SSBP3: variants seen among roughly 807,000 people sequenced by gnomAD.
SSBP3 encodes single-stranded DNA-binding protein 3.
SSBP3 carries 5 observed loss-of-function variants against 69.6 expected under a neutral mutation model. The observed-to-expected ratio is 0.07, with a 90% confidence interval of 0.04 to 0.15. The LOEUF (loss-of-function observed/expected upper bound fraction) is 0.15, where lower values mean the gene tolerates loss of function less well. SSBP3 is among the 10% of genes least tolerant of loss of function. SSBP3 has a pLI of 1.00. For missense variants in SSBP3, 312 were observed against 534.0 expected, an observed-to-expected ratio of 0.58 and a Z score of 4.10; for synonymous variants, 196 against 193.4, an observed-to-expected ratio of 1.01 and a Z score of -0.11.
intron 2 of SSBP3, 54 bp from the exon 3 acceptor site, chr1:54,404,691 G>C (rs1649567246): frequency 1.2e-6 from 2 of 1,604,936 alleles, no homozygotes; most frequent in Admixed American, 3.3e-5. Context: ...GGTGGGCTGG[G>C]GGCTTCCCAG....
At chr1:54,405,921 G>A (rs774855705) in intron 1 of SSBP3, 32 bp downstream of exon 1, 2 of 1,179,098 alleles carry the variant, frequency 1.7e-6, no homozygotes, top group Non-Finnish European at 2.2e-6. Context: ...GCCCGGCGGC[G>A]GCGCGGCCGC....
At chr1:54,269,146 T>C (rs962260404) in intron 5 of SSBP3, among the ~76,000 whole-genome samples, 1 of 152,302 alleles carries the variant, frequency 6.6e-6, no homozygotes, top group Non-Finnish European at 1.5e-5. Context: ...ACAGCCTTCC[T>C]TATTAGCCCA....
chr1:54,238,444 A>T (rs1364000438), intron 14 of SSBP3: 1 of 397,228 alleles, frequency 2.5e-6, no homozygotes, highest in Admixed American at 3.1e-5. Context: ...CTAGAATGGA[A>T]GGGTTGCCTG....
chr1:54,389,694 C>CA (rs113181025), intron 4 of SSBP3, among the ~76,000 whole-genome samples: 26 of 148,984 alleles, frequency 1.7e-4, no homozygotes, highest in African/African-American at 2.7e-4. Flanking sequence ...CTGTCTCTAC[C>CA]AAAAAAAAAT....
At chr1:54,233,900 A>G (rs2100584856) in intron 14 of SSBP3, among the ~76,000 whole-genome samples, 1 of 152,368 alleles carries the variant, frequency 6.6e-6, no homozygotes, top group South Asian at 2.1e-4. Flanking sequence ...GGCTTTGTGG[A>G]ATAGAAAGGC....
rs908674751 is a variant in SSBP3 at position 54,306,636 on chromosome 1, C to CTG, written c.277-25111_277-25110dup. ...TAATACTAAACATTTTTTGGTATTTCTGTGTGCTGAGCGCTTCGTGTGATT... is the reference window on the plus strand; with the variant it reads ...TAATACTAAACATTTTTTGGTATTTCTGTGTGTGCTGAGCGCTTCGTGTGATT... On this transcript the variant is annotated intron_variant, in intron 4 of 17. Coordinates refer to ENST00000610401, the Ensembl canonical transcript of SSBP3. Among the ~76,000 whole-genome samples the CTG allele has an allele frequency of 3.6e-4, 55 of 152,246 alleles. 1 individual carries two copies. The highest frequency in any genetic ancestry group is 1.3e-3 in the African/African-American group (53 of 41,550).
At chr1:54,257,397 T>A in intron 6 of SSBP3, 2 of 510,906 alleles carry the variant, frequency 3.9e-6, no homozygotes, top group Non-Finnish European at 6.8e-6. Flanking sequence ...GACTCCACAT[T>A]TGTTCGTGGA....
intron 4 of SSBP3, among the ~76,000 whole-genome samples, chr1:54,311,935 G>T (rs1646010877): frequency 6.6e-6 from 1 of 152,284 alleles, no homozygotes; most frequent in East Asian, 1.9e-4. Context: ...CAGCTGGGGA[G>T]ACTCTCAGAT....
chr1:54,289,922 C>T (rs530275009), intron 4 of SSBP3, among the ~76,000 whole-genome samples: 8 of 152,240 alleles, frequency 5.3e-5, no homozygotes, highest in Admixed American at 1.3e-4. Flanking sequence ...TGTCCCCAGG[C>T]GGTCCCTTGT....
intron 14 of SSBP3, chr1:54,238,306 C>T (rs1028368584): frequency 2.1e-6 from 1 of 470,972 alleles, no homozygotes; most frequent in Non-Finnish European, 4.4e-6. Context: ...CAAAGCCTCG[C>T]ACTTTAGGGC....
chr1:54,300,515 A>G (rs1256871933), intron 4 of SSBP3, among the ~76,000 whole-genome samples: 1 of 152,226 alleles, frequency 6.6e-6, no homozygotes, highest in East Asian at 1.9e-4. Context: ...CAAATGGCCA[A>G]TGACAAACCA....
chr1:54,244,279 T>C (rs556910275), intron 9 of SSBP3, among the ~76,000 whole-genome samples: 9 of 152,002 alleles, frequency 5.9e-5, no homozygotes, highest in Admixed American at 5.9e-4. Context: ...GATATTTGTA[T>C]TTTTAGTAGA....
At chr1:54,254,545 T>C (rs747997153) in intron 7 of SSBP3, among the ~76,000 whole-genome samples, 1 of 152,244 alleles carries the variant, frequency 6.6e-6, no homozygotes, top group Non-Finnish European at 1.5e-5. Context: ...CCTTTGCTTC[T>C]TGTTTCCCTA....
intron 5 of SSBP3, among the ~76,000 whole-genome samples, chr1:54,268,760 G>A (rs890460894): frequency 1.3e-5 from 2 of 152,190 alleles, no homozygotes; most frequent in Non-Finnish European, 1.5e-5. Flanking sequence ...ACAGGATGGA[G>A]CAGGGGAAGA....
intron 10 of SSBP3, 197 bp downstream of exon 10, chr1:54,243,038 G>A (rs553013330): frequency 5.0e-5 from 31 of 614,626 alleles, no homozygotes; most frequent in African/African-American, 1.5e-4. Context: ...TGCCTGAACC[G>A]TGCCCGGCAC....
chr1:54,379,674 CA>C (rs1234476913), intron 4 of SSBP3, among the ~76,000 whole-genome samples: 2 of 152,154 alleles, frequency 1.3e-5, no homozygotes, highest in Admixed American at 1.3e-4. Flanking sequence ...TCGGCAGGGA[CA>C]GTAGGAGAAA....
intron 5 of SSBP3, among the ~76,000 whole-genome samples, chr1:54,281,225 C>T (rs1557491311): frequency 6.6e-6 from 1 of 152,318 alleles, no homozygotes; most frequent in East Asian, 1.9e-4. Flanking sequence ...GCAGGCAATG[C>T]AGGAGGTTTC....
chr1:54,232,813 C>T (rs1306877120), intron 14 of SSBP3, among the ~76,000 whole-genome samples: 1 of 152,238 alleles, frequency 6.6e-6, no homozygotes, highest in Non-Finnish European at 1.5e-5. Context: ...CAGCCCCTAA[C>T]CGCGAGTGAT....
chr1:54,287,037 T>G (rs1324931477), intron 4 of SSBP3: 1 of 152,180 alleles, frequency 6.6e-6, no homozygotes, highest in Non-Finnish European at 1.5e-5. Flanking sequence ...GAAGCAATGG[T>G]CCAGGGGCAT....
Sources: allele counts gnomAD v4.1 joint callset (sites outside exome capture counted in the v4.1 genomes callset), GRCh38; gene constraint gnomAD v4.1.1; transcripts MANE v1.5; gene names NCBI Gene and HGNC (gene_info 2026-07-23, HGNC 2026-07-21).